ALAD: variants seen among roughly 807,000 people sequenced by gnomAD.
ALAD encodes aminolevulinate dehydratase.
A neutral mutation model predicts 44.4 loss-of-function variants in ALAD; 20 were observed. That is an observed-to-expected ratio of 0.45 (90% CI 0.32 to 0.65). The LOEUF (loss-of-function observed/expected upper bound fraction) is 0.65. ALAD is among the 30% of genes least tolerant of loss of function. The pLI is 0.05. For synonymous variants in ALAD, 156 were observed against 167.9 expected, an observed-to-expected ratio of 0.93 and a Z score of 0.55; for missense variants, 323 against 445.7, an observed-to-expected ratio of 0.72 and a Z score of 2.48.
At chr9:113,389,139 A>G (rs375023469) in intron 10 of ALAD, 33 bp from the exon 11 acceptor site, 435 of 1,613,364 alleles carry the variant, frequency 2.7e-4, no homozygotes, top group Non-Finnish European at 3.4e-4. Context: ...ACAGGCTGAA[A>G]TGGAGGGTGG....
chr9:113,395,705 C>G (rs992019950), intron 1 of ALAD, among the ~76,000 whole-genome samples: 14 of 152,156 alleles, frequency 9.2e-5, no homozygotes, highest in Admixed American at 7.9e-4. Context: ...GTGCATGGAG[C>G]CTGACCAGAA....
At chr9:113,393,384 C>G (rs1026471094) in intron 2 of ALAD, 63 bp downstream of exon 2, 8 of 1,452,184 alleles carry the variant, frequency 5.5e-6, no homozygotes, top group Non-Finnish European at 7.7e-6. Context: ...CCAGTCAACA[C>G]TCCCTCCCCA....
At chr9:113,390,538 C>T (rs1392375411) in intron 6 of ALAD, 45 bp from the exon 7 acceptor site, 1 of 1,613,802 alleles carries the variant, frequency 6.2e-7, no homozygotes. Context: ...GCCCTCCTAG[C>T]CACTCTGCCA....
rs201277398 is a variant in ALAD at position 113,390,037 on chromosome 9, C to CT, written c.571-210dup. ...CAGCACTGTCTTCAGTTCTGTGATT[C>CT]TTTTTTTTTTTGAGATGGAGTCTAG... On this transcript the variant is annotated intron_variant, in intron 7 of 11. Transcript: ENST00000409155. Among the ~76,000 whole-genome samples the CT allele has an allele frequency of 0.15, 21,927 of 147,994 alleles. 1,799 individuals are homozygous for CT. The highest frequency in any genetic ancestry group is 0.28 in the South Asian group (1,333 of 4,704).
chr9:113,389,068 T>C lies in ALAD; in HGVS notation c.840A>G (p.Gly280=). 1 of 1,613,818 alleles carries C rather than the reference T, an allele frequency of 6.2e-7. No individual in the cohort carries two copies. ...DLPLAVYHVS[G]EFAMLWHGAQ... ...CTCCATGCCACAGCATGGCAAACTC[T>C]CCAGAGACGTGGTACACGGCGAGAG... is the stretch of plus-strand genomic sequence containing the variant. Residue 280 remains glycine, a synonymous_variant, in exon 11 of 12, where the codon GGA becomes GGG. Transcript: ENST00000409155.
intron 2 of ALAD, 97 bp downstream of exon 2, chr9:113,393,350 C>T: frequency 1.7e-6 from 2 of 1,148,414 alleles, no homozygotes; most frequent in Non-Finnish European, 2.6e-6. Context: ...CACTTTGCCA[C>T]CCCCAGCCAT....
rs746172348 is a variant in ALAD, at chr9:113,393,567, G to GCCA, written c.-11_-9dup. 2.2e-5 allele frequency: 35 copies of GCCA among 1,610,962 alleles called. 2 individuals are homozygous for GCCA. The South Asian group carries it at 3.7e-4, about 17-fold the overall frequency. The stretch of plus-strand genomic sequence containing the variant: ...AACGGACTGGGGCTGCATGGCGTGG[G>GCCA]CCAGTGGGCACAGGGGCATCAGTTG... On this transcript the variant is annotated 5_prime_UTR_variant, in exon 2 of 12. Coordinates refer to ENST00000409155, the MANE Select transcript of ALAD (RefSeq NM_000031.6).
rs1442196155 is a variant in ALAD, at chr9:113,388,168, G to A, written c.*132C>T. The A allele has an allele frequency of 1.7e-5, 16 of 966,000 alleles. No individual in the cohort carries two copies. Among genetic ancestry groups the A allele is most frequent in the Non-Finnish European group, 2.5e-5 (15 of 605,510 alleles). The allele number at this position is 966,000 out of a possible 1,614,324, so 59.8% of individuals were successfully genotyped here. ...TGGCAAAACCACCCAGGGCTGCTGG[G>A]CCCCGCTAGCATGTGAGCAGGAAGA... On this transcript the variant is annotated 3_prime_UTR_variant, in exon 12 of 12. Coordinates refer to ENST00000409155, the MANE Select transcript of ALAD (RefSeq NM_000031.6).
chr9:113,392,197 T>A, intron 2 of ALAD, 28 bp from the exon 3 acceptor site: 1 of 1,613,692 alleles, frequency 6.2e-7, no homozygotes, highest in Non-Finnish European at 8.5e-7. Flanking sequence ...GGATATGGAT[T>A]GGTAGCTGTG....
intron 7 of ALAD, among the ~76,000 whole-genome samples, chr9:113,390,150 T>G (rs1265254899): frequency 6.6e-6 from 1 of 152,098 alleles, no homozygotes; most frequent in Non-Finnish European, 1.5e-5. Flanking sequence ...GCCTCCCCAG[T>G]AGCTGGGATT....
Position 113,386,397 on chromosome 9 carries a change from T to A in ALAD, c.*1903A>T, listed in dbSNP as rs1439463042. The A allele has an allele frequency of 1.3e-5, 2 of 152,248 alleles. No individual in the cohort carries two copies. The highest frequency in any genetic ancestry group is 6.5e-5 in the Admixed American group (1 of 15,290). 9.4% of individuals were successfully genotyped at this position (152,248 alleles called of 1,614,324 possible). On this transcript the variant is annotated 3_prime_UTR_variant, in exon 12 of 12. Coordinates refer to ENST00000409155, the MANE Select transcript of ALAD (RefSeq NM_000031.6). ...TTGTGTTGGATAGTTTTGCCCACTG[T>A]AGGCTAATGTAAGTGTTCTGAGCAT...
intron 7 of ALAD, 103 bp downstream of exon 7, chr9:113,390,302 G>A (rs899924642): frequency 9.7e-6 from 12 of 1,242,388 alleles, no homozygotes; most frequent in Non-Finnish European, 1.0e-5. Flanking sequence ...GACTACAGGT[G>A]TGAGCCAACA....
intron 3 of ALAD, 123 bp from the exon 4 acceptor site, chr9:113,391,746 C>T (rs1827591937): frequency 5.0e-6 from 4 of 793,228 alleles, no homozygotes; most frequent in South Asian, 4.3e-5. Flanking sequence ...AGGGCTCAAG[C>T]CCCCAGGACA....
chr9:113,393,430 C>T lies in ALAD; in HGVS notation c.113+17G>A. ...CAACCAGCAGAGCAGAGGCCTGGCC[C>T]ATTCTTGGAGACTCACGTGACAAAG... On this transcript the variant is annotated intron_variant, in intron 2 of 11. Transcript: ENST00000409155. 2 of 1,602,850 alleles carry T rather than the reference C, an allele frequency of 1.2e-6. No individual in the cohort carries two copies. The highest frequency in any genetic ancestry group is 1.7e-6 in the Non-Finnish European group (2 of 1,169,732).
At chr9:113,393,256 T>A (rs1827642865) in intron 2 of ALAD, 191 bp downstream of exon 2, 4 of 624,544 alleles carry the variant, frequency 6.4e-6, no homozygotes, top group Middle Eastern at 4.2e-4. Context: ...GAATGAGTTC[T>A]TTCAAAGTTT....
chr9:113,392,399 G>A (rs1433496705), intron 2 of ALAD: 16 of 1,264,770 alleles, frequency 1.3e-5, no homozygotes, highest in African/African-American at 4.5e-5. Flanking sequence ...CTAAAAGAAC[G>A]GTAATTACAG....
Position 113,388,164 on chromosome 9 carries a change from C to G in ALAD, c.*136G>C, listed in dbSNP as rs2118978280. ...ATGCTGGCAAAACCACCCAGGGCTGCTGGGCCCCGCTAGCATGTGAGCAGG... is the reference window on the plus strand; with the variant it reads ...ATGCTGGCAAAACCACCCAGGGCTGGTGGGCCCCGCTAGCATGTGAGCAGG... On this transcript the variant is annotated 3_prime_UTR_variant, in exon 12 of 12. Transcript: ENST00000409155. 1.1e-6 allele frequency: 1 copy of G among 933,452 alleles called. No individual in the cohort carries two copies. The highest frequency in any genetic ancestry group is 1.7e-6 in the Non-Finnish European group (1 of 578,278). 57.8% of individuals were successfully genotyped at this position (933,452 alleles called of 1,614,324 possible).
In ALAD at chr9:113,389,481, G is replaced by T. The variant is rs761898385; in HGVS notation, c.758C>A (p.Pro253Gln). ...CACGATGTCCAGGTAGGGCATTCCC[G>T]GCTTCACCATGAGCATGTCAGCTCC... The part of the protein sequence containing the change: ...REGADMLMVK[P>Q]GMPYLDIVRE... The change falls in exon 10 of 12, where the codon CCG becomes CAG. Residue 253 changes from proline to glutamine, a missense_variant. By Grantham distance (76) the Pro-to-Gln change is moderately conservative (BLOSUM62 -1). Coordinates refer to ENST00000409155, the MANE Select transcript of ALAD (RefSeq NM_000031.6). The T allele has an allele frequency of 6.2e-7, 1 of 1,613,920 alleles. No individual in the cohort carries two copies. Among genetic ancestry groups the T allele is most frequent in the South Asian group, 1.1e-5 (1 of 91,066 alleles).
chr9:113,391,251 A>G (rs1827574747), intron 4 of ALAD, among the ~76,000 whole-genome samples: 1 of 152,028 alleles, frequency 6.6e-6, no homozygotes, highest in Admixed American at 6.6e-5. Flanking sequence ...CACCCAGGCT[A>G]GAGTGCACTG....
Sources: allele counts gnomAD v4.1 joint callset (sites outside exome capture counted in the v4.1 genomes callset), GRCh38; gene constraint gnomAD v4.1.1; transcripts MANE v1.5; gene names NCBI Gene and HGNC (gene_info 2026-07-23, HGNC 2026-07-21).